RYR1: variants seen among roughly 807,000 people sequenced by gnomAD.
RYR1 encodes the protein central core disease of muscle.
Under a neutral mutation model 583.5 loss-of-function variants are expected in RYR1, and 342 were observed. The ratio of observed to expected loss-of-function variants is 0.59; its 90% CI spans 0.54 to 0.64. The LOEUF is 0.64. RYR1 is among the 30% of genes least tolerant of loss of function. The pLI is 0.00. For missense variants in RYR1, 6,032 were observed against 6,917.2 expected (o/e 0.87, Z 4.54); for synonymous variants, 2,791 against 2,822.5 (o/e 0.99, Z 0.35).
At chr19:38,436,676 A>G (rs4802437) in intron 1 of RYR1, among the ~76,000 whole-genome samples, 125,304 of 152,108 alleles carry the variant, frequency 0.82, 51,728 homozygotes, top group East Asian at 0.94. Flanking sequence ...TTACTATTAT[A>G]GACAACACAG....
Position 38,500,547 on chromosome 19 carries a change from G to C in RYR1, c.7324-59G>C. 6.2e-7 allele frequency: 1 copy of C among 1,610,082 alleles called. No individual in the cohort carries two copies. On this transcript the variant is annotated intron_variant, in intron 45 of 105. Coordinates refer to ENST00000359596, the MANE Select transcript of RYR1 (RefSeq NM_000540.3). This position sits in a 1 kb window ranked among gnomAD's most constrained non-coding sequence, Gnocchi z 5.9. ...GTGTGGTAAGGGAGGGAGCAGAGCA[G>C]TCACTGAGTGGGGCACCAGCGCCTG...
At chr19:38,516,043 A>G (rs902457935) in intron 64 of RYR1, 44 bp from the exon 65 acceptor site, 1 of 1,537,632 alleles carries the variant, frequency 6.5e-7, no homozygotes, top group East Asian at 2.5e-5. Flanking sequence ...CCAGGACCCC[A>G]AAGAGGGGGA....
In RYR1 at chr19:38,444,595, C is replaced by A; in HGVS notation, c.549C>A (p.Thr183=). Residue 183 remains threonine (T), a synonymous_variant, in exon 7 of 106, where the codon ACC becomes ACA. Coordinates refer to ENST00000359596, the MANE Select transcript of RYR1 (RefSeq NM_000540.3). The surrounding 1 kb of genome is among the most constrained non-coding windows in gnomAD (Gnocchi z 5.1). The stretch of plus-strand genomic sequence containing the variant: ...CTGGTGGCCCCCAGCACCTGTCGAC[C>A]GCCAGTGGGGAGCTCCAGGTTGACG... The part of the protein sequence containing the change: ...VSSERYLHLS[T]ASGELQVDAS... 6.2e-7 allele frequency: 1 copy of A among 1,613,794 alleles called. No individual in the cohort carries two copies. The highest frequency in any genetic ancestry group is 8.5e-7 in the Non-Finnish European group (1 of 1,179,878).
intron 104 of RYR1, 35 bp downstream of exon 104, chr19:38,586,226 G>A: frequency 6.3e-7 from 1 of 1,587,952 alleles, no homozygotes; most frequent in Non-Finnish European, 8.6e-7. Context: ...GGAGGGTGGG[G>A]GGCATGGCTG....
chr19:38,466,501 C>CA, intron 24 of RYR1, 103 bp downstream of exon 24: 7 of 641,846 alleles, frequency 1.1e-5, no homozygotes, highest in Non-Finnish European at 1.8e-5. Flanking sequence ...TGGGCTATAT[C>CA]TTTTTTTTTT....
chr19:38,561,273 A>G lies in RYR1; in HGVS notation c.12443A>G (p.Asn4148Ser), dbSNP rs1213878810. The G allele has an allele frequency of 6.2e-7, 1 of 1,614,034 alleles. No individual in the cohort carries two copies. The highest frequency in any genetic ancestry group is 2.2e-5 in the East Asian group (1 of 44,884). ...IGFNVAVLLTNLSEHVPHDPR... is the reference protein window; with the variant it reads ...IGFNVAVLLTSLSEHVPHDPR... ...TTCAACGTGGCGGTGCTGCTGACCAACCTGTCGGAGCATGTGCCGCATGAC... is the reference window on the plus strand; with the variant it reads ...TTCAACGTGGCGGTGCTGCTGACCAGCCTGTCGGAGCATGTGCCGCATGAC... The change falls in exon 90 of 106, where the codon AAC (asparagine) becomes AGC (serine). Residue 4148 changes from asparagine (N) to serine (S), a missense_variant. By Grantham distance (46) the Asn-to-Ser change is conservative. Coordinates refer to ENST00000359596, the MANE Select transcript of RYR1 (RefSeq NM_000540.3). The surrounding 1 kb of genome is among the most constrained non-coding windows in gnomAD (Gnocchi z 4.8).
At position 38,512,754 on chromosome 19, in the gene RYR1, A is replaced by C. The variant is rs1047759410; in HGVS notation, c.9472+271A>C. 6.6e-6 allele frequency among the ~76,000 whole-genome samples: 1 copy of C among 152,052 alleles called. No homozygotes were observed. The highest frequency in any genetic ancestry group is 1.5e-5 in the Non-Finnish European group (1 of 67,978). Reference sequence around the variant, plus strand: ...TGAGGCAGGAGGACCGCTTGAGCTCAGGAGTTCAAGACCAGCTTGGGCAAC... The same window carrying C: ...TGAGGCAGGAGGACCGCTTGAGCTCCGGAGTTCAAGACCAGCTTGGGCAAC... On this transcript the variant is annotated intron_variant, in intron 63 of 105. Transcript: ENST00000359596. The surrounding 1 kb of genome is among the most constrained non-coding windows in gnomAD (Gnocchi z 5.1).
At chr19:38,466,752 C>T (rs922350199) in intron 24 of RYR1, among the ~76,000 whole-genome samples, 3 of 152,082 alleles carry the variant, frequency 2.0e-5, no homozygotes, top group South Asian at 2.1e-4. Context: ...CCGCCTGCCT[C>T]GGACTCCCAA....
intron 67 of RYR1, among the ~76,000 whole-genome samples, chr19:38,522,577 T>C (rs948040266): frequency 5.3e-5 from 8 of 151,934 alleles, no homozygotes; most frequent in Admixed American, 5.3e-4. Flanking sequence ...CGCATCACTG[T>C]ACTCCAGCCT....
intron 88 of RYR1, among the ~76,000 whole-genome samples, chr19:38,547,092 T>C (rs1213797726): frequency 7.6e-6 from 1 of 131,004 alleles, no homozygotes; most frequent in South Asian, 2.5e-4. Context: ...AGGCTGGAGG[T>C]GCGGTGGCGC....
intron 89 of RYR1, among the ~76,000 whole-genome samples, chr19:38,552,668 G>A (rs192452727): frequency 1.1e-4 from 16 of 152,258 alleles, no homozygotes; most frequent in African/African-American, 2.2e-4. Context: ...GACCTCAGGC[G>A]GTCTGGCCTC....
At chr19:38,497,985 C>G (rs1424369385) in intron 42 of RYR1, among the ~76,000 whole-genome samples, 1 of 151,888 alleles carries the variant, frequency 6.6e-6, no homozygotes, top group Non-Finnish European at 1.5e-5. Flanking sequence ...AAAAAAGTGG[C>G]CAGAGAAAGC....
intron 9 of RYR1, among the ~76,000 whole-genome samples, chr19:38,447,562 C>T (rs1315559839): frequency 6.7e-6 from 1 of 148,788 alleles, no homozygotes; most frequent in Non-Finnish European, 1.5e-5. Context: ...AAAACAAAGG[C>T]CGGGGGCGGT....
intron 93 of RYR1, among the ~76,000 whole-genome samples, chr19:38,568,612 C>G (rs1973558400): frequency 6.6e-6 from 1 of 151,270 alleles, no homozygotes; most frequent in South Asian, 2.1e-4. Context: ...ATTAGCCAGC[C>G]ATAGTGGTGC....
Position 38,499,393 on chromosome 19 carries a change from C to A in RYR1, c.7027+150C>A, listed in dbSNP as rs1001322914. The A allele has an allele frequency of 7.4e-7, 1 of 1,353,408 alleles. No individual in the cohort carries two copies. The highest frequency in any genetic ancestry group is 1.8e-5 in the Admixed American group (1 of 54,634). The allele number at this position is 1,353,408 out of a possible 1,614,324, so 83.8% of individuals were successfully genotyped here. A position where few individuals can be genotyped will look rare whatever the true frequency, so the allele number is the denominator to read the frequency against. On this transcript the variant is annotated intron_variant, in intron 43 of 105. Coordinates refer to ENST00000359596, the MANE Select transcript of RYR1 (RefSeq NM_000540.3). The surrounding 1 kb of genome is among the most constrained non-coding windows in gnomAD (Gnocchi z 7.3). The stretch of plus-strand genomic sequence containing the variant: ...CTGGGGCTGGCAGGGGCCTGTGTTA[C>A]CCCTGGAGGTGTTGGGTCCTGTGGC...
Position 38,440,881 on chromosome 19 carries a change from GA to G in RYR1, c.165+18del. 1.2e-6 allele frequency: 2 copies of G among 1,608,918 alleles called. No homozygotes were observed. The highest frequency in any genetic ancestry group is 2.2e-5 in the South Asian group (2 of 90,644). ...AACGCGCAGGTCTGTGCAGGAGGGA[GA>G]GGGGCCTGGGGACAGGGGCGTCTGA... is the stretch of plus-strand genomic sequence containing the variant. On this transcript the variant is annotated intron_variant, in intron 2 of 105. Coordinates refer to ENST00000359596, the MANE Select transcript of RYR1 (RefSeq NM_000540.3).
rs775141717 is a variant in RYR1 at position 38,466,342 on chromosome 19, C to T, written c.3122C>T (p.Ala1041Val). 1.9e-6 allele frequency: 3 copies of T among 1,594,306 alleles called. No homozygotes were observed. The highest frequency in any genetic ancestry group is 2.6e-6 in the Non-Finnish European group (3 of 1,172,274). The change falls in exon 24 of 106, where the codon GCC (alanine) becomes GTC (valine). Residue 1041 changes from alanine to valine, a missense_variant. Transcript: ENST00000359596. ...KRSNRDSLCQAVRTLLGYGYN... is the reference protein window; with the variant it reads ...KRSNRDSLCQVVRTLLGYGYN... ...AGCAACCGGGACAGCCTCTGCCAGG[C>T]CGTGCGCACCCTCCTGGGCTACGGC...
intron 78 of RYR1, among the ~76,000 whole-genome samples, chr19:38,533,408 A>G (rs1286686713): frequency 6.6e-6 from 1 of 152,230 alleles, no homozygotes; most frequent in Non-Finnish European, 1.5e-5. Flanking sequence ...AAATGAATTC[A>G]TAGCAGAGGA....
At chr19:38,553,684 G>A (rs1972761892) in intron 89 of RYR1, among the ~76,000 whole-genome samples, 1 of 152,014 alleles carries the variant, frequency 6.6e-6, no homozygotes, top group Admixed American at 6.6e-5. Flanking sequence ...ATACAGCAAG[G>A]CGTGAAGTGA....
Sources: allele counts gnomAD v4.1 joint callset (sites outside exome capture counted in the v4.1 genomes callset), GRCh38; gene constraint gnomAD v4.1.1; non-coding constraint Gnocchi (gnomAD v3.1); transcripts MANE v1.5; gene names NCBI Gene and HGNC (gene_info 2026-07-23, HGNC 2026-07-21).